Variants in TRIM66 observed in about 807,000 individuals in gnomAD.
TRIM66 encodes the protein tripartite motif-containing protein 66.
TRIM66 carries 99 observed loss-of-function variants against 148.2 expected under a neutral mutation model. The ratio of observed to expected loss-of-function variants is 0.67; its 90% CI spans 0.57 to 0.79. TRIM66 has a LOEUF of 0.79. TRIM66 is among the 30% of genes least tolerant of loss of function. The pLI, the probability that TRIM66 is intolerant of heterozygous loss-of-function variation, is 0.00. For synonymous variants in TRIM66, 616 were observed against 635.9 expected (o/e 0.97, Z 0.47); for missense variants, 1,666 against 1,697.9 (o/e 0.98, Z 0.33).
intron 7 of TRIM66, among the ~76,000 whole-genome samples, chr11:8,650,937 G>A (rs148041505): frequency 8.5e-5 from 13 of 152,326 alleles, no homozygotes; most frequent in Non-Finnish European, 1.9e-4. Flanking sequence ...ATAGACCAGC[G>A]TTCAGAGTTG....
intron 6 of TRIM66, among the ~76,000 whole-genome samples, chr11:8,665,560 A>G (rs2038534152): frequency 6.6e-6 from 1 of 152,240 alleles, no homozygotes; most frequent in South Asian, 2.1e-4. Context: ...CCTAAATGCC[A>G]TACAGCCTGG....
At chr11:8,632,125 T>C (rs1300619009) in intron 15 of TRIM66, among the ~76,000 whole-genome samples, 1 of 152,048 alleles carries the variant, frequency 6.6e-6, no homozygotes, top group East Asian at 1.9e-4. Context: ...CTGACCAACA[T>C]GGCAAAACCC....
chr11:8,622,043 T>C (rs1325236415), intron 18 of TRIM66, among the ~76,000 whole-genome samples: 1 of 151,934 alleles, frequency 6.6e-6, no homozygotes, highest in African/African-American at 2.4e-5. Flanking sequence ...CTTAATTGGG[T>C]GGGCACCATC....
At chr11:8,667,522 C>G (rs1351848535) in intron 6 of TRIM66, among the ~76,000 whole-genome samples, 1 of 152,130 alleles carries the variant, frequency 6.6e-6, no homozygotes, top group Non-Finnish European at 1.5e-5. Flanking sequence ...ATGACAACCC[C>G]ATTAAAAAAT....
chr11:8,629,207 T>C (rs2035158368), intron 15 of TRIM66, among the ~76,000 whole-genome samples: 1 of 152,224 alleles, frequency 6.6e-6, no homozygotes, highest in Non-Finnish European at 1.5e-5. Flanking sequence ...TGCACTACCA[T>C]AGCTTTCTAA....
intron 6 of TRIM66, among the ~76,000 whole-genome samples, chr11:8,662,874 T>C (rs1193131385): frequency 6.6e-6 from 1 of 152,182 alleles, no homozygotes; most frequent in Middle Eastern, 3.2e-3. Context: ...AGAGCCAGCA[T>C]ATGGTAAGAG....
At chr11:8,633,123 C>T (rs971789670) in intron 15 of TRIM66, among the ~76,000 whole-genome samples, 3 of 152,140 alleles carry the variant, frequency 2.0e-5, no homozygotes, top group African/African-American at 7.2e-5. Context: ...AGGTATTTTG[C>T]CCAGGCCAGT....
At chr11:8,677,504 G>A (rs942302179) in intron 3 of TRIM66, among the ~76,000 whole-genome samples, 1 of 152,092 alleles carries the variant, frequency 6.6e-6, no homozygotes, top group Admixed American at 6.5e-5. Flanking sequence ...AGGAGGCTGG[G>A]CGTGATGGTC....
chr11:8,678,562 G>T (rs2039285610), intron 3 of TRIM66, among the ~76,000 whole-genome samples: 1 of 152,138 alleles, frequency 6.6e-6, no homozygotes, highest in Non-Finnish European at 1.5e-5. Flanking sequence ...CTTTACTGTT[G>T]TACTGTCTAT....
Position 8,671,929 on chromosome 11 carries a change from A to G in TRIM66, c.197T>C (p.Met66Thr). The change falls in exon 6 of 25, where the codon ATG (methionine) becomes ACG (threonine). Residue 66 changes from methionine to threonine, a missense_variant. Around this residue, in one of 3 missense-constraint regions of TRIM66, gnomAD observed 1,431 missense variants for 1,412.4 expected, o/e 1.01. Coordinates refer to ENST00000646038, the MANE Select transcript of TRIM66 (RefSeq NM_001388022.1). ...GTCCTGATGGCACAATGAGCAGGTC[A>G]TTACCATGGCCTCCATCTGTCCACT... is the stretch of plus-strand genomic sequence containing the variant. ...PKSGQMEAMV[M>T]TCSLCHQDLP... 1.3e-6 allele frequency: 2 copies of G among 1,536,138 alleles called. No homozygotes were observed. Among genetic ancestry groups the G allele is most frequent in the Non-Finnish European group, 1.7e-6 (2 of 1,146,910 alleles).
At chr11:8,657,988 C>T (rs750582905) in intron 6 of TRIM66, among the ~76,000 whole-genome samples, 2 of 152,228 alleles carry the variant, frequency 1.3e-5, no homozygotes, top group African/African-American at 2.4e-5. Context: ...CAGAGGATGG[C>T]GCTTACCAAG....
chr11:8,670,545 G>A (rs1341198107), intron 6 of TRIM66, among the ~76,000 whole-genome samples: 2 of 152,100 alleles, frequency 1.3e-5, no homozygotes, highest in East Asian at 1.9e-4. Context: ...TAAGTAATCA[G>A]GAATGCCTAT....
intron 6 of TRIM66, among the ~76,000 whole-genome samples, chr11:8,669,765 A>G (rs1013242701): frequency 2.0e-5 from 3 of 152,148 alleles, no homozygotes; most frequent in African/African-American, 7.2e-5. Flanking sequence ...GTTAAGCAAC[A>G]CTGCATTAAG....
At position 8,671,830 on chromosome 11, in the gene TRIM66, T is replaced by C; in HGVS notation, c.296A>G (p.Gln99Arg). 1 of 1,526,204 alleles carries C rather than the reference T, an allele frequency of 6.6e-7. No individual in the cohort carries two copies. Among genetic ancestry groups the C allele is most frequent in the Non-Finnish European group, 8.8e-7 (1 of 1,137,876 alleles). The allele number at this position is 1,526,204 out of a possible 1,614,324, so 94.5% of individuals were successfully genotyped here. ...AGCCTTGGCAATCTGCCCTAGCTCCTGTATCAAGCCCTGGAAGCAGTCCTT... is the reference window on the plus strand; with the variant it reads ...AGCCTTGGCAATCTGCCCTAGCTCCCGTATCAAGCCCTGGAAGCAGTCCTT... ...LRKDCFQGLI[Q>R]ELGQIAKAHE... The change falls in exon 6 of 25, where the codon CAG becomes CGG. Residue 99 changes from glutamine (Q) to arginine (R), a missense_variant. Transcript: ENST00000646038.
chr11:8,634,682 A>G (rs1011752829), intron 15 of TRIM66, among the ~76,000 whole-genome samples: 1 of 152,206 alleles, frequency 6.6e-6, no homozygotes, highest in Non-Finnish European at 1.5e-5. Context: ...TTCATTCAAA[A>G]GGGGTTGCAG....
At chr11:8,643,150 T>C in intron 12 of TRIM66, 24 bp from the exon 13 acceptor site, 1 of 1,543,082 alleles carries the variant, frequency 6.5e-7, no homozygotes, top group African/African-American at 1.4e-5. Flanking sequence ...CAAAGGTCAT[T>C]TATTTGGGCA....
intron 15 of TRIM66, among the ~76,000 whole-genome samples, chr11:8,632,022 A>G (rs1053683801): frequency 4.6e-5 from 7 of 152,220 alleles, no homozygotes; most frequent in African/African-American, 1.7e-4. Flanking sequence ...TAGCTAAGGA[A>G]ACAAGAGAGA....
rs1379106470 is a variant in TRIM66 at position 8,640,228 on chromosome 11, T to C, written c.2147A>G (p.Gln716Arg). ...VQSQSQEETL[Q>R]ATDEPPASQG... ...ACGCCAAGCCACCCTGACGCTTACC[T>C]GCAGGGTCTCCTCCTGGCTCTGGGA... is the stretch of plus-strand genomic sequence containing the variant. The change falls in exon 14 of 25, where the codon CAG becomes CGG. Residue 716 changes from glutamine (Q) to arginine (R), a missense_variant and splice_region_variant. By Grantham distance (43) the Gln-to-Arg change is conservative. Transcript: ENST00000646038. 2 of 1,550,658 alleles carry C rather than the reference T, an allele frequency of 1.3e-6. No individual in the cohort carries two copies. Among genetic ancestry groups the C allele is most frequent in the Non-Finnish European group, 1.7e-6 (2 of 1,146,296 alleles).
At chr11:8,641,407 TCTGTCCCA>T (rs2036382756) in intron 13 of TRIM66, among the ~76,000 whole-genome samples, 1 of 152,178 alleles carries the variant, frequency 6.6e-6, no homozygotes, top group Non-Finnish European at 1.5e-5. Context: ...TGACTCTGTT[TCTGTCCCA>T]CTAGGGAAAC....
Sources: allele counts gnomAD v4.1 joint callset (sites outside exome capture counted in the v4.1 genomes callset), GRCh38; gene constraint gnomAD v4.1.1; regional missense constraint gnomAD v4.1.1; transcripts MANE v1.5; gene names NCBI Gene and HGNC (gene_info 2026-07-23, HGNC 2026-07-21).